LRPPRC: variants seen among roughly 807,000 people sequenced by gnomAD.
LRPPRC encodes the protein leucine-rich PPR motif-containing protein, mitochondrial.
In LRPPRC, 120 loss-of-function variants were observed where a neutral mutation model predicts 180.3. The ratio of observed to expected loss-of-function variants is 0.67; its 90% CI spans 0.57 to 0.77. The LOEUF (loss-of-function observed/expected upper bound fraction) is 0.77, where lower values mean the gene tolerates loss of function less well. LRPPRC is among the 30% of genes least tolerant of loss of function. The pLI, the probability that LRPPRC is intolerant of heterozygous loss-of-function variation, is 0.00. For missense variants in LRPPRC, 2,012 were observed against 1,657.2 expected (o/e 1.21, Z -3.72); for synonymous variants, 723 against 600.0 (o/e 1.21, Z -3.00).
chr2:43,911,151 T>G (rs921629966), intron 30 of LRPPRC, among the ~76,000 whole-genome samples: 1 of 25,394 alleles, frequency 3.9e-5, no homozygotes, highest in Non-Finnish European at 5.9e-5. Context: ...GTGTTCTAGA[T>G]ATATATATAT....
chr2:43,915,232 TCACACA>T lies in LRPPRC; in HGVS notation c.3149-2680_3149-2675del, dbSNP rs375631611. ...CTCTCTCTCTCTCTCTCTCTCTCTC[TCACACA>T]CACACACACACACACACACACACAC... On this transcript the variant is annotated intron_variant, in intron 29 of 37. Coordinates refer to ENST00000260665, the MANE Select transcript of LRPPRC (RefSeq NM_133259.4). Among the ~76,000 whole-genome samples the T allele has an allele frequency of 5.5e-3, 286 of 51,604 alleles. 1 individual carries two copies. Among genetic ancestry groups the T allele is most frequent in the South Asian group, 0.014 (18 of 1,248 alleles). The allele number at this position is 51,604 out of a possible 152,430, so 33.9% of individuals were successfully genotyped here. A position where few individuals can be genotyped will look rare whatever the true frequency, so the allele number is the denominator to read the frequency against.
chr2:43,982,338 C>G lies in LRPPRC; in HGVS notation c.246G>C (p.Gln82His). Residue 82 changes from glutamine to histidine, a missense_variant, in exon 2 of 38, where the codon CAG becomes CAC. Coordinates refer to ENST00000260665, the MANE Select transcript of LRPPRC (RefSeq NM_133259.4). ...CTAGTCTCATTAGAGCCCAATCAAA[C>G]TGATTGGAAATCTTCCTAGAAGAAA... ...STFSSRKISN[Q>H]FDWALMRLDL... The G allele has an allele frequency of 6.2e-7, 1 of 1,613,192 alleles. No individual in the cohort carries two copies. Among genetic ancestry groups the G allele is most frequent in the East Asian group, 2.2e-5 (1 of 44,856 alleles).
intron 2 of LRPPRC, among the ~76,000 whole-genome samples, chr2:43,980,683 C>G (rs1306583563): frequency 6.6e-6 from 1 of 151,994 alleles, no homozygotes; most frequent in Non-Finnish European, 1.5e-5. Flanking sequence ...TATAAGCTTC[C>G]CTCTCCCTAT....
chr2:43,901,798 T>A (rs1420961060), intron 31 of LRPPRC: 1 of 392,218 alleles, frequency 2.5e-6, no homozygotes, highest in Non-Finnish European at 4.6e-6. Context: ...CATTTAGGGA[T>A]AACATTCAGT....
At chr2:43,899,030 T>G (rs983244040) in intron 34 of LRPPRC, among the ~76,000 whole-genome samples, 189 bp downstream of exon 34, 3 of 152,190 alleles carry the variant, frequency 2.0e-5, no homozygotes, top group Non-Finnish European at 2.9e-5. Context: ...CTGGCATCTT[T>G]AAAACCAGTA....
At chr2:43,990,098 C>A (rs757137366) in intron 1 of LRPPRC, among the ~76,000 whole-genome samples, 6 of 151,836 alleles carry the variant, frequency 4.0e-5, no homozygotes, top group Non-Finnish European at 2.9e-5. Context: ...ATGCGCCTGT[C>A]GTCCCAGCTA....
chr2:43,891,655 A>C (rs1670497150), intron 36 of LRPPRC, among the ~76,000 whole-genome samples: 1 of 152,204 alleles, frequency 6.6e-6, no homozygotes, highest in Admixed American at 6.5e-5. Context: ...TCCTCTACTC[A>C]GGCCTCCCTA....
intron 30 of LRPPRC, among the ~76,000 whole-genome samples, chr2:43,909,173 G>C (rs1288511145): frequency 6.6e-6 from 1 of 152,144 alleles, no homozygotes; most frequent in Non-Finnish European, 1.5e-5. Context: ...TTTCAGTCCA[G>C]CATTATTTTT....
rs1466058755 is a variant in LRPPRC, at chr2:43,978,467, TTAA to T, written c.470-1194_470-1192del. Among the ~76,000 whole-genome samples the T allele has an allele frequency of 9.2e-5, 14 of 152,314 alleles. No homozygotes were observed. In the East Asian group the frequency reaches 2.5e-3, roughly 27 times the overall value. On this transcript the variant is annotated intron_variant, in intron 3 of 37. Coordinates refer to ENST00000260665, the MANE Select transcript of LRPPRC (RefSeq NM_133259.4). ...CATTGTTAATCTTTATATGGAGGAA[TTAA>T]TGTTATTACTGCTGTGTAATGCTTT...
rs780383061 is a variant in LRPPRC, at chr2:43,949,657, T to C, written c.1680A>G (p.Ile560Met). The C allele has an allele frequency of 7.4e-6, 12 of 1,612,482 alleles. No homozygotes were observed. The highest frequency in any genetic ancestry group is 1.0e-5 in the Non-Finnish European group (12 of 1,178,528). Residue 560 changes from isoleucine (I) to methionine (M), a missense_variant and splice_region_variant, in exon 16 of 38, where the codon ATA (isoleucine) becomes ATG (methionine). Transcript: ENST00000260665. ...RSMNINLWSE[I>M]TELLYKDGRY... ...GTCCATCCTTGTACAACAATTCTGT[T>C]ATCTGGTAAGACAGAAAATTCGTGC...
chr2:43,972,549 A>T (rs1471546508), intron 11 of LRPPRC, among the ~76,000 whole-genome samples: 1 of 152,218 alleles, frequency 6.6e-6, no homozygotes, highest in African/African-American at 2.4e-5. Flanking sequence ...CTGTGGTTCC[A>T]AAACACTGGG....
chr2:43,918,713 G>A lies in LRPPRC; in HGVS notation c.2897-315C>T, dbSNP rs562634889. 4.7e-5 allele frequency among the ~76,000 whole-genome samples: 7 copies of A among 150,362 alleles called. No individual in the cohort carries two copies. The South Asian group carries it at 1.1e-3, about 23-fold the overall frequency. On this transcript the variant is annotated intron_variant, in intron 27 of 37. Transcript: ENST00000260665. ...TGTTACTGAGAAAGTGCCTACTGCC[G>A]AAATCAAAATCAGAAACAGGTGACA...
intron 14 of LRPPRC, among the ~76,000 whole-genome samples, chr2:43,956,750 C>G (rs769339153): frequency 1.2e-4 from 18 of 152,066 alleles, no homozygotes; most frequent in Non-Finnish European, 2.6e-4. Flanking sequence ...CTTAGCCAGG[C>G]GTGGTGGTGG....
chr2:43,953,648 G>A (rs1433208230), intron 14 of LRPPRC, among the ~76,000 whole-genome samples: 1 of 152,134 alleles, frequency 6.6e-6, no homozygotes, highest in Non-Finnish European at 1.5e-5. Flanking sequence ...TTAAGTCAGG[G>A]GAGACGCAGA....
Position 43,973,723 on chromosome 2 carries a change from G to C in LRPPRC, c.1262-9C>G, listed in dbSNP as rs759044409. 1.2e-5 allele frequency: 20 copies of C among 1,608,144 alleles called. No individual in the cohort carries two copies. The highest frequency in any genetic ancestry group is 6.7e-5 in the Admixed American group (4 of 60,022). ...TAAGGCTTTTGCCAAATCTGAAAGA[G>C]ATATCATAAAAGATCACAAAGCTAC... On this transcript the variant is annotated splice_polypyrimidine_tract_variant and intron_variant, in intron 10 of 37. Transcript: ENST00000260665.
intron 36 of LRPPRC, chr2:43,890,214 A>T (rs1670437575): frequency 4.9e-6 from 2 of 409,380 alleles, no homozygotes; most frequent in Non-Finnish European, 9.7e-6. Context: ...GTTATAAAAT[A>T]ATACACACCA....
chr2:43,943,644 C>A, intron 23 of LRPPRC, 43 bp downstream of exon 23: 1 of 1,507,614 alleles, frequency 6.6e-7, no homozygotes, highest in South Asian at 1.1e-5. Context: ...TAGACTCATT[C>A]TTTTAATGCC....
intron 11 of LRPPRC, among the ~76,000 whole-genome samples, chr2:43,971,658 C>T (rs1318167063): frequency 6.6e-6 from 1 of 151,962 alleles, no homozygotes. Flanking sequence ...AGCACATCCT[C>T]CATCACTGCA....
chr2:43,995,993 A>T (rs749078481), upstream of LRPPRC: 2 of 1,519,182 alleles, frequency 1.3e-6, no homozygotes, highest in African/African-American at 2.8e-5. Context: ...CCAGAAGGAC[A>T]GGAGGAGCAT....
Sources: allele counts gnomAD v4.1 joint callset (sites outside exome capture counted in the v4.1 genomes callset), GRCh38; gene constraint gnomAD v4.1.1; transcripts MANE v1.5; gene names NCBI Gene and HGNC (gene_info 2026-07-23, HGNC 2026-07-21).